Variants in CEP83 observed in about 807,000 individuals in gnomAD.
CEP83 encodes centrosomal protein of 83 kDa.
Under a neutral mutation model 101.9 loss-of-function variants are expected in CEP83, and 70 were observed. The observed-to-expected ratio is 0.69, with a 90% CI of 0.57 to 0.84. The LOEUF (loss-of-function observed/expected upper bound fraction) is 0.84, where lower values mean the gene tolerates loss of function less well. CEP83 is among the 40% of genes least tolerant of loss of function. The pLI is 0.00. For missense variants in CEP83, 715 were observed against 787.2 expected, an observed-to-expected ratio of 0.91 and a Z score of 1.10; for synonymous variants, 264 against 267.9, an observed-to-expected ratio of 0.99 and a Z score of 0.14.
At chr12:94,269,935 G>A in the CEP83 span, among the ~76,000 whole-genome samples, 2 of 152,080 alleles carry the variant, frequency 1.3e-5, no homozygotes, top group Non-Finnish European at 2.9e-5. Flanking sequence ...ACATGTAATG[G>A]GTGCTTTAAA....
At chr12:94,413,429 C>T (rs1256414790) in intron 2 of CEP83, among the ~76,000 whole-genome samples, 1 of 152,128 alleles carries the variant, frequency 6.6e-6, no homozygotes, top group Non-Finnish European at 1.5e-5. Flanking sequence ...GGTATAAAAT[C>T]CATACTCCCA....
chr12:94,323,279 G>T (rs1283337722), intron 14 of CEP83, among the ~76,000 whole-genome samples: 3 of 152,032 alleles, frequency 2.0e-5, no homozygotes, highest in Non-Finnish European at 1.5e-5. Flanking sequence ...AAGCTCCCAG[G>T]GCTCTACGTG....
At chr12:94,407,621 T>G (rs1020540967) in intron 4 of CEP83, among the ~76,000 whole-genome samples, 2 of 152,146 alleles carry the variant, frequency 1.3e-5, no homozygotes, top group Non-Finnish European at 2.9e-5. Flanking sequence ...CATCTCTAAC[T>G]TTTTCTTACC....
At chr12:94,366,569 A>C (rs2061038490) in intron 11 of CEP83, among the ~76,000 whole-genome samples, 1 of 152,202 alleles carries the variant, frequency 6.6e-6, no homozygotes, top group Admixed American at 6.5e-5. Context: ...AATGAACTCC[A>C]CGGTGCTGGA....
At chr12:94,413,867 TAC>T (rs1566134449) in intron 2 of CEP83, among the ~76,000 whole-genome samples, 2 of 129,948 alleles carry the variant, frequency 1.5e-5, no homozygotes, top group African/African-American at 5.8e-5. Flanking sequence ...CACACACACA[TAC>T]ATACATATTT....
intron 7 of CEP83, among the ~76,000 whole-genome samples, chr12:94,378,455 AT>A (rs1212274115): frequency 2.6e-5 from 4 of 152,174 alleles, no homozygotes; most frequent in East Asian, 1.9e-4. Context: ...GAAAGAAATT[AT>A]TCTTTCTGGT....
chr12:94,448,752 AACCAAAATGT>A (rs1323194609), intron 1 of CEP83, among the ~76,000 whole-genome samples: 8 of 152,166 alleles, frequency 5.3e-5, no homozygotes, highest in African/African-American at 1.9e-4. Flanking sequence ...AAACACAGCA[AACCAAAATGT>A]ACAGAATGCA....
At chr12:94,300,763 T>C in the CEP83 span, 1 of 546,396 alleles carries the variant, frequency 1.8e-6, no homozygotes, top group Non-Finnish European at 3.1e-6. Context: ...CAAGTGACGC[T>C]TCTGTCTGTT....
chr12:94,299,570 T>TC, the CEP83 span, among the ~76,000 whole-genome samples: 34 of 152,230 alleles, frequency 2.2e-4, no homozygotes, highest in African/African-American at 6.5e-4. Flanking sequence ...CTAGCCTCTT[T>TC]TTTTTTGAGA....
rs59339712 is a variant in CEP83 at position 94,416,573 on chromosome 12, CA to C, written c.-101-3983del. 3.8e-3 allele frequency among the ~76,000 whole-genome samples: 557 copies of C among 147,912 alleles called. 10 individuals are homozygous for C. The East Asian group carries it at 0.049, about 13-fold the overall frequency. ...CCATACACACACACACACACACACACAAAAAAAAAAAAACTGTAGTTCCACC... is the reference window on the plus strand; with the variant it reads ...CCATACACACACACACACACACACACAAAAAAAAAAAACTGTAGTTCCACC... On this transcript the variant is annotated intron_variant, in intron 2 of 16. Transcript: ENST00000397809.
the CEP83 span, chr12:94,301,067 A>C: frequency 6.2e-7 from 1 of 1,613,056 alleles, no homozygotes; most frequent in Non-Finnish European, 8.5e-7. Flanking sequence ...GGTAAGGCCC[A>C]GCTTGAGTAT....
At chr12:94,373,365 A>C (rs956372077) in intron 8 of CEP83, among the ~76,000 whole-genome samples, 1 of 152,334 alleles carries the variant, frequency 6.6e-6, no homozygotes, top group Admixed American at 6.5e-5. Flanking sequence ...ACAGGGGGTC[A>C]GTATCTGTTA....
intron 15 of CEP83, 126 bp from the exon 16 acceptor site, chr12:94,310,233 A>G (rs1969644355): frequency 2.7e-6 from 1 of 375,358 alleles, no homozygotes; most frequent in African/African-American, 2.1e-5. Context: ...ATATAGATAA[A>G]AAATCTGTTT....
chr12:94,375,110 T>C (rs1442084869), intron 8 of CEP83, among the ~76,000 whole-genome samples: 1 of 152,094 alleles, frequency 6.6e-6, no homozygotes, highest in African/African-American at 2.4e-5. Context: ...CCTGCTCTCT[T>C]GGAGCTTACA....
intron 8 of CEP83, among the ~76,000 whole-genome samples, chr12:94,374,960 T>A (rs141332038): frequency 9.1e-4 from 138 of 152,262 alleles, no homozygotes; most frequent in East Asian, 5.0e-3. Context: ...AATCAGAATT[T>A]GAATCCAGTC....
At chr12:94,358,732 A>G (rs1231908586) in intron 11 of CEP83, among the ~76,000 whole-genome samples, 1 of 152,248 alleles carries the variant, frequency 6.6e-6, no homozygotes. Context: ...AATTCCAAAA[A>G]ACTGGCCTGA....
At chr12:94,423,952 G>T in intron 2 of CEP83, 1 of 1,612,762 alleles carries the variant, frequency 6.2e-7, no homozygotes, top group African/African-American at 1.3e-5. Flanking sequence ...GCTGGGTAAG[G>T]GGTCCCATCA....
At chr12:94,282,232 A>T in the CEP83 span, 12 of 1,066,412 alleles carry the variant, frequency 1.1e-5, no homozygotes, top group South Asian at 1.6e-4. Context: ...GTTATCCATA[A>T]ATTTGTGAAA....
chr12:94,267,181 G>A, the CEP83 span, among the ~76,000 whole-genome samples: 67 of 152,232 alleles, frequency 4.4e-4, no homozygotes, highest in African/African-American at 1.4e-3. Context: ...GATTATAGTC[G>A]GGAATCCTCC....
Sources: gnomAD v4.1 joint callset for allele counts (sites outside exome capture counted in the v4.1 genomes callset) on GRCh38, gnomAD v4.1.1 for gene constraint, MANE v1.5 for transcripts, NCBI Gene and HGNC (gene_info 2026-07-23, HGNC 2026-07-21) for gene names.